PDE5A: variants seen among roughly 807,000 people sequenced by gnomAD.
PDE5A encodes the protein cGMP-specific 3',5'-cyclic phosphodiesterase.
A neutral mutation model predicts 110.2 loss-of-function variants in PDE5A; 67 were observed. The observed-to-expected ratio is 0.61, with a 90% confidence interval of 0.50 to 0.75. PDE5A has a LOEUF of 0.75. Ranked by LOEUF, PDE5A falls within the 30% of genes least tolerant of loss-of-function variation. PDE5A has a pLI of 0.00. For synonymous variants in PDE5A, 328 were observed against 351.2 expected (o/e 0.93, Z 0.74); for missense variants, 862 against 1,045.1 (o/e 0.82, Z 2.42).
chr4:119,584,076 T>C (rs1177152591), intron 3 of PDE5A, among the ~76,000 whole-genome samples: 1 of 152,210 alleles, frequency 6.6e-6, no homozygotes, highest in African/African-American at 2.4e-5. Context: ...TGGCCCTTGC[T>C]GGTTCAGACA....
intron 6 of PDE5A, among the ~76,000 whole-genome samples, 179 bp from the exon 7 acceptor site, chr4:119,560,542 C>T (rs1286766990): frequency 2.0e-5 from 3 of 152,162 alleles, no homozygotes; most frequent in African/African-American, 7.2e-5. Context: ...AACTGCTTCC[C>T]ATTTAATTAA....
chr4:119,518,688 C>T (rs560229593), intron 14 of PDE5A, among the ~76,000 whole-genome samples: 15 of 152,224 alleles, frequency 9.9e-5, no homozygotes, highest in African/African-American at 2.9e-4. Flanking sequence ...TATGTAGGGC[C>T]GAGCTAAGCA....
intron 2 of PDE5A, 90 bp from the exon 3 acceptor site, chr4:119,596,702 C>G: frequency 1.5e-6 from 1 of 668,238 alleles, no homozygotes; most frequent in Non-Finnish European, 2.5e-6. Flanking sequence ...GAAATCTAAC[C>G]TTGGACTTAC....
intron 3 of PDE5A, among the ~76,000 whole-genome samples, chr4:119,578,708 C>A (rs1215800311): frequency 1.3e-5 from 2 of 149,094 alleles, no homozygotes; most frequent in South Asian, 4.3e-4. Flanking sequence ...TAAAGACTTA[C>A]ATGTTAGACC....
intron 11 of PDE5A, among the ~76,000 whole-genome samples, chr4:119,527,636 A>G (rs1242482941): frequency 6.6e-6 from 1 of 152,176 alleles, no homozygotes; most frequent in Non-Finnish European, 1.5e-5. Context: ...AGTATGTGGT[A>G]TTTCTGGCAT....
At chr4:119,548,434 CTA>C (rs1298760405) in intron 9 of PDE5A, 1 of 152,206 alleles carries the variant, frequency 6.6e-6, no homozygotes, top group Non-Finnish European at 1.5e-5. Context: ...ACATTTTCCT[CTA>C]TGAGTTTTAA....
chr4:119,596,535 A>G lies in PDE5A; in HGVS notation c.819T>C (p.Asn273=). ...AAAATTGGCTTACCTCTTCCCTATG[A>G]TTCTTAATTGGCATACAAAGAATGC... is the stretch of plus-strand genomic sequence containing the variant. ...TQSILCMPIK[N]HREEVVGVAQ... The change falls in exon 3 of 21, where the codon AAT becomes AAC. Residue 273 remains asparagine, a synonymous_variant. Coordinates refer to ENST00000354960, the MANE Select transcript of PDE5A (RefSeq NM_001083.4). The G allele has an allele frequency of 6.3e-7, 1 of 1,585,512 alleles. No homozygotes were observed. Among genetic ancestry groups the G allele is most frequent in the South Asian group, 1.2e-5 (1 of 84,998 alleles).
intron 18 of PDE5A, among the ~76,000 whole-genome samples, chr4:119,503,190 C>T (rs1725427363): frequency 6.6e-6 from 1 of 152,120 alleles, no homozygotes; most frequent in South Asian, 2.1e-4. Context: ...AGTTACTAGG[C>T]TCCCTGACTA....
At chr4:119,589,257 G>GAA (rs397944587) in intron 3 of PDE5A, among the ~76,000 whole-genome samples, 2 of 143,784 alleles carry the variant, frequency 1.4e-5, no homozygotes, top group African/African-American at 5.1e-5. Flanking sequence ...ATAATCTAGA[G>GAA]AAAAAAAAAA....
At chr4:119,558,694 C>A (rs1022364097) in intron 7 of PDE5A, among the ~76,000 whole-genome samples, 1 of 151,998 alleles carries the variant, frequency 6.6e-6, no homozygotes, top group African/African-American at 2.4e-5. Context: ...TTTACTGTAT[C>A]ACTATAATAA....
At chr4:119,501,338 T>A in intron 19 of PDE5A, 85 bp from the exon 20 acceptor site, 5 of 789,152 alleles carry the variant, frequency 6.3e-6, no homozygotes, top group Non-Finnish European at 1.1e-5. Flanking sequence ...TGAGATGGAG[T>A]CTCACTCTGT....
intron 11 of PDE5A, among the ~76,000 whole-genome samples, chr4:119,537,386 C>T (rs1215535793): frequency 6.6e-6 from 1 of 152,000 alleles, no homozygotes; most frequent in Non-Finnish European, 1.5e-5. Context: ...TCAACGAATC[C>T]ACAGCAGCTT....
chr4:119,594,080 G>A (rs559632233), intron 3 of PDE5A, among the ~76,000 whole-genome samples: 18 of 152,320 alleles, frequency 1.2e-4, no homozygotes, highest in African/African-American at 4.3e-4. Flanking sequence ...GATTTTGGGT[G>A]GGGACACAGA....
chr4:119,501,079 A>G, intron 20 of PDE5A, 91 bp downstream of exon 20: 1 of 747,958 alleles, frequency 1.3e-6, no homozygotes, highest in Admixed American at 2.4e-5. Flanking sequence ...TTAGAAGCAA[A>G]ATATAGGCGC....
In PDE5A at chr4:119,498,737, G is replaced by C; in HGVS notation, c.2492C>G (p.Ala831Gly). ...IDAICLQLYE[A>G]LTHVSEDCFP... ...ACAGTCCTCTGACACGTGGGTCAGG[G>C]CCTAAAGAGAAAAAAGAAAGCAAAC... The change falls in exon 21 of 21, where the codon GCC becomes GGC. Residue 831 changes from alanine (A) to glycine (G), a missense_variant and splice_region_variant. Coordinates refer to ENST00000354960, the MANE Select transcript of PDE5A (RefSeq NM_001083.4). 6.2e-7 allele frequency: 1 copy of C among 1,613,724 alleles called. No homozygotes were observed.
chr4:119,628,593 G>A lies in PDE5A; in HGVS notation c.79C>T (p.Gln27Ter), dbSNP rs762300564. Residue 27 changes from glutamine to a stop codon, truncating the protein, a stop_gained, in exon 1 of 21, where the codon CAG becomes TAG. Transcript: ENST00000354960. LOFTEE classifies it high-confidence loss of function. ...PQQQKQQQRDQDSVEAWLDDH... is the reference protein window; with the variant it reads ...PQQQKQQQRD ...TCCAGCCATGCTTCGACCGAGTCCT[G>A]ATCCCTCTGCTGCTGCTTCTGCTGC... 6.2e-7 allele frequency: 1 copy of A among 1,613,774 alleles called. No homozygotes were observed. The highest frequency in any genetic ancestry group is 8.5e-7 in the Non-Finnish European group (1 of 1,179,842).
In PDE5A at chr4:119,494,886, G is replaced by A. The variant is rs774157088; in HGVS notation, c.*3715C>T. 6.6e-6 allele frequency: 1 copy of A among 152,554 alleles called. No homozygotes were observed. Among genetic ancestry groups the A allele is most frequent in the Non-Finnish European group, 1.5e-5 (1 of 68,028 alleles). The allele number at this position is 152,554 out of a possible 1,614,324, so 9.5% of individuals were successfully genotyped here. ...GTAAGTATATGGAATGGTAAAGTGA[G>A]CTTTAATACTTTCTTCTTCACTCTC... On this transcript the variant is annotated 3_prime_UTR_variant, in exon 21 of 21. Transcript: ENST00000354960.
chr4:119,562,460 T>A (rs1420786431), intron 6 of PDE5A, among the ~76,000 whole-genome samples: 1 of 151,828 alleles, frequency 6.6e-6, no homozygotes, highest in Non-Finnish European at 1.5e-5. Context: ...GGTCTGCCTG[T>A]TCATAGCAAC....
At chr4:119,531,278 CT>C (rs1221337868) in intron 11 of PDE5A, among the ~76,000 whole-genome samples, 1 of 151,862 alleles carries the variant, frequency 6.6e-6, no homozygotes, top group African/African-American at 2.4e-5. Flanking sequence ...TGTATAATTT[CT>C]TTTTTTTCTT....
Sources: allele counts gnomAD v4.1 joint callset (sites outside exome capture counted in the v4.1 genomes callset), GRCh38; gene constraint gnomAD v4.1.1; transcripts MANE v1.5; gene names NCBI Gene and HGNC (gene_info 2026-07-23, HGNC 2026-07-21).